RIMS2: variants seen among roughly 807,000 people sequenced by gnomAD.
The protein encoded by RIMS2 is regulating synaptic membrane exocytosis 2.
A neutral mutation model predicts 174.4 loss-of-function variants in RIMS2; 59 were observed. That is an observed-to-expected ratio of 0.34 (90% CI 0.27 to 0.42). The LOEUF (loss-of-function observed/expected upper bound fraction) is 0.42, where lower values mean the gene tolerates loss of function less well. RIMS2 is among the 10% of genes least tolerant of loss of function. The pLI, the probability that RIMS2 is intolerant of heterozygous loss-of-function variation, is 1.00. For missense variants in RIMS2, 1,620 were observed against 1,666.3 expected (o/e 0.97, Z 0.48); for synonymous variants, 606 against 572.5 (o/e 1.06, Z -0.84).
chr8:103,572,613 T>C (rs2092916499), intron 1 of RIMS2, among the ~76,000 whole-genome samples: 1 of 152,166 alleles, frequency 6.6e-6, no homozygotes, highest in East Asian at 1.9e-4. Flanking sequence ...TGGTGTGAGA[T>C]GTATCTCATT....
intron 19 of RIMS2, among the ~76,000 whole-genome samples, chr8:104,023,945 A>G (rs149960082): frequency 6.6e-6 from 1 of 152,306 alleles, no homozygotes; most frequent in East Asian, 1.9e-4. Flanking sequence ...TATCAAGAAT[A>G]TGAAATGATT....
intron 2 of RIMS2, among the ~76,000 whole-genome samples, chr8:103,707,037 T>A (rs2097240155): frequency 6.6e-6 from 1 of 152,228 alleles, no homozygotes; most frequent in Non-Finnish European, 1.5e-5. Context: ...AGTTACTGAT[T>A]CTTCTCCTTC....
intron 1 of RIMS2, among the ~76,000 whole-genome samples, chr8:103,641,522 A>G (rs965540682): frequency 6.6e-6 from 1 of 151,994 alleles, no homozygotes; most frequent in Non-Finnish European, 1.5e-5. Flanking sequence ...TTAATTCCCC[A>G]ATCTCGTGAT....
Position 104,100,801 on chromosome 8 carries a change from T to G in RIMS2, c.3334+86186T>G, listed in dbSNP as rs959605530. On this transcript the variant is annotated intron_variant, in intron 19 of 23. Transcript: ENST00000504942. ...TAATCCCATTCAATTTCCTGTTATA[T>G]ATATATTATATATTATATTATATAT... 4.2e-5 allele frequency among the ~76,000 whole-genome samples: 6 copies of G among 142,026 alleles called. No homozygotes were observed. In the Admixed American group the frequency reaches 4.5e-4, roughly 11 times the overall value. The allele number at this position is 142,026 out of a possible 152,430, so 93.2% of individuals were successfully genotyped here. A position where few individuals can be genotyped will look rare whatever the true frequency, so the allele number is the denominator to read the frequency against.
intron 19 of RIMS2, among the ~76,000 whole-genome samples, chr8:104,107,391 TTAATC>T (rs2098090936): frequency 1.3e-5 from 2 of 152,200 alleles, no homozygotes; most frequent in South Asian, 4.1e-4. Flanking sequence ...AAGTATATAT[TTAATC>T]TATCATGGTT....
intron 1 of RIMS2, chr8:103,568,606 T>C: frequency 1.8e-6 from 1 of 555,422 alleles, no homozygotes. Context: ...GTAACTGTGA[T>C]CAGTTGTGAC....
rs574830404 is a variant in RIMS2 at position 103,636,012 on chromosome 8, G to A, written c.177-61074G>A. On this transcript the variant is annotated intron_variant, in intron 1 of 23. Coordinates refer to ENST00000504942, the Ensembl canonical transcript of RIMS2. ...CAGCAGTCTGGCCTCATTTTGGTAG[G>A]GCAGCTGTGCTGTGCTGGTGGATCC... Among the ~76,000 whole-genome samples the A allele has an allele frequency of 5.9e-5, 9 of 151,784 alleles. No homozygotes were observed. The South Asian group carries it at 8.4e-4, about 14-fold the overall frequency.
intron 19 of RIMS2, among the ~76,000 whole-genome samples, chr8:104,137,876 T>C (rs924301554): frequency 3.9e-5 from 6 of 152,150 alleles, no homozygotes; most frequent in African/African-American, 1.4e-4. Flanking sequence ...TACTAGATAT[T>C]GTTCATTCTA....
At chr8:103,541,279 G>A (rs1842457371) in intron 1 of RIMS2, among the ~76,000 whole-genome samples, 1 of 152,150 alleles carries the variant, frequency 6.6e-6, no homozygotes, top group South Asian at 2.1e-4. Flanking sequence ...TTACAGTAAG[G>A]CCAACAGCCT....
intron 19 of RIMS2, among the ~76,000 whole-genome samples, chr8:104,185,850 A>G (rs1368137979): frequency 6.6e-6 from 1 of 151,720 alleles, no homozygotes; most frequent in Non-Finnish European, 1.5e-5. Flanking sequence ...AAATCGAATT[A>G]CCATTCAATC....
chr8:103,560,759 C>G (rs1221010830), intron 1 of RIMS2, among the ~76,000 whole-genome samples: 1 of 152,114 alleles, frequency 6.6e-6, no homozygotes, highest in African/African-American at 2.4e-5. Context: ...TCAGACATTT[C>G]TTTCACTTTA....
chr8:104,115,661 A>T (rs2098267656), intron 19 of RIMS2, among the ~76,000 whole-genome samples: 1 of 152,130 alleles, frequency 6.6e-6, no homozygotes. Flanking sequence ...ACAGTGATAT[A>T]GTAGTGGACT....
chr8:104,135,608 A>C (rs1223542923), intron 19 of RIMS2, among the ~76,000 whole-genome samples: 4 of 112,592 alleles, frequency 3.6e-5, no homozygotes, highest in African/African-American at 1.5e-4. Flanking sequence ...CTTGTCTCCC[A>C]ACCTCAAAAA....
intron 3 of RIMS2, among the ~76,000 whole-genome samples, chr8:103,812,306 G>T (rs1273659789): frequency 6.9e-6 from 1 of 144,972 alleles, no homozygotes; most frequent in East Asian, 2.3e-4. Context: ...TTGAAGCATA[G>T]GTCAAATTAT....
chr8:103,922,625 T>G, intron 10 of RIMS2: 1 of 400,576 alleles, frequency 2.5e-6, no homozygotes, highest in Non-Finnish European at 5.0e-6. Flanking sequence ...AGACCTTGAA[T>G]TTTGGATTAA....
chr8:103,792,292 G>A (rs1437933500), intron 3 of RIMS2, among the ~76,000 whole-genome samples: 1 of 152,134 alleles, frequency 6.6e-6, no homozygotes, highest in East Asian at 1.9e-4. Flanking sequence ...CACCTACATG[G>A]AAACTGAACA....
At chr8:104,172,709 A>G (rs570243208) in intron 19 of RIMS2, among the ~76,000 whole-genome samples, 1 of 152,350 alleles carries the variant, frequency 6.6e-6, no homozygotes, top group South Asian at 2.1e-4. Context: ...ATACCTCAAA[A>G]TGAGAGAAAT....
intron 19 of RIMS2, among the ~76,000 whole-genome samples, chr8:104,102,794 C>T (rs1271877265): frequency 1.3e-5 from 2 of 152,070 alleles, no homozygotes; most frequent in African/African-American, 4.8e-5. Context: ...TGGGAAAAAC[C>T]CGTCCCCATG....
chr8:104,224,261 GGACA>G (rs1198499439), intron 19 of RIMS2, among the ~76,000 whole-genome samples: 3 of 152,198 alleles, frequency 2.0e-5, no homozygotes, highest in African/African-American at 7.2e-5. Flanking sequence ...GTTACACAGT[GGACA>G]GACAGTTAGA....
Sources: gnomAD v4.1 joint callset for allele counts (sites outside exome capture counted in the v4.1 genomes callset) on GRCh38, gnomAD v4.1.1 for gene constraint, MANE v1.5 for transcripts, NCBI Gene and HGNC (gene_info 2026-07-23, HGNC 2026-07-21) for gene names.